The following ARHGAP42 variants were observed in gnomAD, a reference collection of about 807,000 sequenced individuals.
The protein encoded by ARHGAP42 is rho GTPase-activating protein 42.
In ARHGAP42, 63 loss-of-function variants were observed where a neutral mutation model predicts 125.0. The observed-to-expected ratio is 0.50, with a 90% CI of 0.41 to 0.62. ARHGAP42 has a LOEUF of 0.62. ARHGAP42 is among the 20% of genes least tolerant of loss of function. The probability of loss-of-function intolerance (pLI) is 0.00; values close to 1 mark genes in which losing one functional copy is unlikely to be tolerated. For synonymous variants in ARHGAP42, 339 were observed against 351.0 expected (o/e 0.97, Z 0.38); for missense variants, 766 against 1,024.2 (o/e 0.75, Z 3.44).
intron 1 of ARHGAP42, among the ~76,000 whole-genome samples, chr11:100,736,651 C>T (rs1862074540): frequency 5.9e-5 from 9 of 152,174 alleles, no homozygotes; most frequent in Admixed American, 5.9e-4. Context: ...CTACAGGCAT[C>T]TGCCACTTGC....
At chr11:100,825,654 T>C (rs1257039602) in intron 3 of ARHGAP42, among the ~76,000 whole-genome samples, 1 of 152,170 alleles carries the variant, frequency 6.6e-6, no homozygotes, top group Admixed American at 6.5e-5. Context: ...TCTGCATGGA[T>C]GAGATGACTC....
chr11:100,936,298 G>C lies in ARHGAP42; in HGVS notation c.798G>C (p.Trp266Cys). 5 of 1,551,600 alleles carry C rather than the reference G, an allele frequency of 3.2e-6. 1 individual carries two copies. The highest frequency in any genetic ancestry group is 4.4e-6 in the Non-Finnish European group (5 of 1,146,912). Residue 266 changes from tryptophan (W) to cysteine (C), a missense_variant, in exon 8 of 24, where the codon TGG becomes TGC. Physicochemically the swap from Trp to Cys is radical, Grantham distance 215 (BLOSUM62 -2). Coordinates refer to ENST00000298815, the MANE Select transcript of ARHGAP42 (RefSeq NM_152432.4). ...AGGACTACAGACCACCCAGCCAGTG[G>C]ACGATGGAAGGCTATCTGTATGTCC... ...ANQDYRPPSQ[W>C]TMEGYLYVQE...
intron 3 of ARHGAP42, among the ~76,000 whole-genome samples, chr11:100,858,466 T>C (rs976081344): frequency 6.6e-6 from 1 of 152,162 alleles, no homozygotes. Flanking sequence ...CTCTAGTTTT[T>C]ATTTTTGTAT....
rs916956799 is a variant in ARHGAP42, at chr11:100,990,042, G to A, written c.*1241G>A. Reference sequence around the variant, plus strand: ...GTGAATTTGTAGAGCATAGTAATAGGTATTTACTGTCCACTTATATATATC... The same window carrying A: ...GTGAATTTGTAGAGCATAGTAATAGATATTTACTGTCCACTTATATATATC... On this transcript the variant is annotated 3_prime_UTR_variant, in exon 24 of 24. Transcript: ENST00000298815. The A allele has an allele frequency of 1.3e-5, 2 of 152,074 alleles. No homozygotes were observed. Among genetic ancestry groups the A allele is most frequent in the African/African-American group, 4.8e-5 (2 of 41,394 alleles). 9.4% of individuals were successfully genotyped at this position (152,074 alleles called of 1,614,324 possible).
chr11:100,896,865 T>C (rs1479952549), intron 4 of ARHGAP42, among the ~76,000 whole-genome samples: 1 of 152,254 alleles, frequency 6.6e-6, no homozygotes, highest in Non-Finnish European at 1.5e-5. Flanking sequence ...TTGTCTATTT[T>C]GGCTTTTGTT....
chr11:100,993,016 C>T lies in ARHGAP42; in HGVS notation c.*4215C>T, dbSNP rs1398199414. On this transcript the variant is annotated 3_prime_UTR_variant, in exon 24 of 24. Transcript: ENST00000298815. ...AGTCCCAAAAACCAGAGACCATTTT[C>T]ATTTACTGCCATCATAAATATTCTC... 7.6e-6 allele frequency: 2 copies of T among 262,236 alleles called. No homozygotes were observed. The highest frequency in any genetic ancestry group is 1.5e-5 in the Non-Finnish European group (2 of 129,240). 16.2% of individuals were successfully genotyped at this position (262,236 alleles called of 1,614,324 possible).
At chr11:100,902,315 T>C (rs1250835365) in intron 4 of ARHGAP42, among the ~76,000 whole-genome samples, 1 of 152,200 alleles carries the variant, frequency 6.6e-6, no homozygotes, top group Non-Finnish European at 1.5e-5. Flanking sequence ...TTAATTCCCA[T>C]GAACCTCATT....
intron 1 of ARHGAP42, among the ~76,000 whole-genome samples, chr11:100,764,492 G>A (rs1862785724): frequency 6.6e-6 from 1 of 152,172 alleles, no homozygotes; most frequent in South Asian, 2.1e-4. Context: ...CTTTGTGTAA[G>A]ATTTAAGTAT....
intron 4 of ARHGAP42, among the ~76,000 whole-genome samples, chr11:100,905,847 G>C (rs928008797): frequency 1.3e-5 from 2 of 152,058 alleles, no homozygotes; most frequent in African/African-American, 4.8e-5. Context: ...GAATGGTGGC[G>C]CATGACTGTG....
In ARHGAP42 at chr11:100,974,552, GGGTCTAGGAAGCCCAGAGGGA is replaced by G; in HGVS notation, c.1808_1828del (p.Ser603_Arg609del). The G allele has an allele frequency of 6.4e-7, 1 of 1,551,108 alleles. No homozygotes were observed. Among genetic ancestry groups the G allele is most frequent in the Non-Finnish European group, 8.7e-7 (1 of 1,146,650 alleles). On this transcript the variant is annotated inframe_deletion, in exon 19 of 24. Transcript: ENST00000298815. The stretch of plus-strand genomic sequence containing the variant: ...GACACGAGCAATCTGCCTCTCTACA[GGGTCTAGGAAGCCCAGAGGGA>G]GGTATACTCCATGCCTGGCCGAACC...
At chr11:100,928,702 C>CA (rs1867494270) in intron 6 of ARHGAP42, among the ~76,000 whole-genome samples, 2 of 152,106 alleles carry the variant, frequency 1.3e-5, no homozygotes, top group Non-Finnish European at 2.9e-5. Flanking sequence ...ACGATCACCA[C>CA]AAAAAAATTT....
At chr11:100,920,329 T>A (rs1407575666) in intron 5 of ARHGAP42, among the ~76,000 whole-genome samples, 1 of 152,184 alleles carries the variant, frequency 6.6e-6, no homozygotes, top group Non-Finnish European at 1.5e-5. Context: ...GTGCACCTAC[T>A]CCCTGCATAG....
chr11:100,814,421 G>A (rs1864218830), intron 3 of ARHGAP42, among the ~76,000 whole-genome samples: 1 of 151,632 alleles, frequency 6.6e-6, no homozygotes, highest in African/African-American at 2.4e-5. Context: ...CTCACTAACA[G>A]GCTTTGAAAT....
chr11:100,732,328 A>C (rs1861974330), intron 1 of ARHGAP42, among the ~76,000 whole-genome samples: 1 of 152,114 alleles, frequency 6.6e-6, no homozygotes, highest in African/African-American at 2.4e-5. Context: ...TTGCTGCTGA[A>C]TCCTCAGTAG....
At chr11:100,938,780 C>CCCTT (rs1644764309) in intron 8 of ARHGAP42, among the ~76,000 whole-genome samples, 1 of 152,046 alleles carries the variant, frequency 6.6e-6, no homozygotes, top group Non-Finnish European at 1.5e-5. Context: ...TATCCAAAGC[C>CCCTT]CCTTCTAACT....
At chr11:100,916,548 A>G (rs1013115731) in intron 5 of ARHGAP42, among the ~76,000 whole-genome samples, 1 of 152,210 alleles carries the variant, frequency 6.6e-6, no homozygotes, top group Non-Finnish European at 1.5e-5. Context: ...AAATAACAAC[A>G]TGTCATTTTC....
At position 100,933,206 on chromosome 11, in the gene ARHGAP42, A is replaced by C; in HGVS notation, c.648A>C (p.Glu216Asp). The part of the protein sequence containing the change: ...GLFTFYHEGY[E>D]LAQEFAPYKQ... ...TTACTTTTTACCATGAGGGATATGA[A>C]CTTGCCCAGGAATTTGCACCGTATA... The change falls in exon 7 of 24, where the codon GAA (glutamate) becomes GAC (aspartate). Residue 216 changes from glutamate to aspartate, a missense_variant. Around this residue, in one of 3 missense-constraint regions of ARHGAP42, gnomAD observed 455 missense variants for 636.5 expected, o/e 0.71. Transcript: ENST00000298815. The C allele has an allele frequency of 6.4e-7, 1 of 1,550,718 alleles. No individual in the cohort carries two copies. The highest frequency in any genetic ancestry group is 8.7e-7 in the Non-Finnish European group (1 of 1,146,790).
chr11:100,888,568 T>A (rs914868652), intron 4 of ARHGAP42, among the ~76,000 whole-genome samples: 1 of 152,342 alleles, frequency 6.6e-6, no homozygotes, highest in East Asian at 1.9e-4. Flanking sequence ...TTTTATGACG[T>A]GTCAAACGAT....
intron 3 of ARHGAP42, among the ~76,000 whole-genome samples, chr11:100,804,299 A>G (rs1322136895): frequency 1.3e-5 from 2 of 152,080 alleles, no homozygotes; most frequent in African/African-American, 2.4e-5. Flanking sequence ...CTGTCTTTTT[A>G]TCCTTGAGTA....
Sources: allele counts gnomAD v4.1 joint callset (sites outside exome capture counted in the v4.1 genomes callset), GRCh38; gene constraint gnomAD v4.1.1; regional missense constraint gnomAD v4.1.1; transcripts MANE v1.5; gene names NCBI Gene and HGNC (gene_info 2026-07-23, HGNC 2026-07-21).